The following FBXL7 variants were observed in gnomAD, a reference collection of about 807,000 sequenced individuals.
FBXL7 encodes the protein F-box/LRR-repeat protein 7.
A neutral mutation model predicts 38.3 loss-of-function variants in FBXL7; 12 were observed. That is an observed-to-expected ratio of 0.31 (90% confidence interval 0.20 to 0.51). The LOEUF (loss-of-function observed/expected upper bound fraction) is 0.51. Ranked by LOEUF, FBXL7 falls within the 20% of genes least tolerant of loss-of-function variation. The pLI is 0.98. For missense variants in FBXL7, 567 were observed against 676.4 expected (o/e 0.84, Z 1.79); for synonymous variants, 297 against 300.9 (o/e 0.99, Z 0.13).
chr5:15,843,442 G>A (rs564960455), intron 2 of FBXL7, among the ~76,000 whole-genome samples: 1 of 152,188 alleles, frequency 6.6e-6, no homozygotes, highest in South Asian at 2.1e-4. Context: ...TATGAATTTA[G>A]TAAATATTCG....
At chr5:15,533,533 A>C (rs1344644781) in intron 1 of FBXL7, among the ~76,000 whole-genome samples, 1 of 152,180 alleles carries the variant, frequency 6.6e-6, no homozygotes, top group Non-Finnish European at 1.5e-5. Context: ...ACTTTATAAA[A>C]AAAGAACTGA....
At chr5:15,874,016 C>T (rs1354028676) in intron 2 of FBXL7, among the ~76,000 whole-genome samples, 1 of 152,064 alleles carries the variant, frequency 6.6e-6, no homozygotes, top group Non-Finnish European at 1.5e-5. Flanking sequence ...TGCGAAAATA[C>T]CCAATAAAAT....
rs545159131 is a variant in FBXL7 at position 15,765,748 on chromosome 5, G to A, written c.127+149676G>A. Among the ~76,000 whole-genome samples the A allele has an allele frequency of 1.5e-4, 23 of 152,222 alleles. No homozygotes were observed. In the South Asian group the frequency reaches 3.1e-3, roughly 21 times the overall value. On this transcript the variant is annotated intron_variant, in intron 2 of 3. Coordinates refer to ENST00000504595, the MANE Select transcript of FBXL7 (RefSeq NM_012304.5). ...GATGGCTCTTTCCTGAGTTCCAGGA[G>A]TGTGAATCCATCCATCTGCTGGGAA...
intron 1 of FBXL7, among the ~76,000 whole-genome samples, chr5:15,516,504 A>T (rs550728618): frequency 6.6e-5 from 10 of 152,136 alleles, no homozygotes; most frequent in African/African-American, 2.4e-4. Flanking sequence ...AGTTACTTGC[A>T]TGTCTTTAAT....
chr5:15,691,886 C>T (rs754446906), intron 2 of FBXL7, among the ~76,000 whole-genome samples: 4 of 152,100 alleles, frequency 2.6e-5, no homozygotes, highest in Non-Finnish European at 4.4e-5. Context: ...CAGGGACTCC[C>T]GCATCGCTGG....
chr5:15,555,942 A>G lies in FBXL7; in HGVS notation c.37+55229A>G, dbSNP rs181833393. On this transcript the variant is annotated intron_variant, in intron 1 of 3. Transcript: ENST00000504595. ...GAGAAACAACCAGTAGGATCCATCT[A>G]TCTATCTGTCATCTATCTGTCATCT... 1.0e-3 allele frequency among the ~76,000 whole-genome samples: 156 copies of G among 152,012 alleles called. 1 individual carries two copies. In the South Asian group the frequency reaches 0.026, roughly 25 times the overall value.
chr5:15,723,255 C>G (rs1248653260), intron 2 of FBXL7, among the ~76,000 whole-genome samples: 1 of 152,146 alleles, frequency 6.6e-6, no homozygotes, highest in Non-Finnish European at 1.5e-5. Context: ...TGGAAATTCA[C>G]TATTTGTCAG....
chr5:15,591,077 T>A (rs1739458038), intron 1 of FBXL7, among the ~76,000 whole-genome samples: 1 of 152,158 alleles, frequency 6.6e-6, no homozygotes, highest in African/African-American at 2.4e-5. Context: ...CAGACTTGAA[T>A]GATTACAATT....
At chr5:15,723,420 C>T (rs896150048) in intron 2 of FBXL7, among the ~76,000 whole-genome samples, 24 of 152,142 alleles carry the variant, frequency 1.6e-4, no homozygotes, top group Non-Finnish European at 2.6e-4. Context: ...ATGTTTTCCA[C>T]GACTATATTA....
intron 2 of FBXL7, among the ~76,000 whole-genome samples, chr5:15,680,782 C>T (rs989602136): frequency 1.3e-5 from 2 of 152,154 alleles, no homozygotes; most frequent in African/African-American, 4.8e-5. Flanking sequence ...ATTTGTTGCT[C>T]ATTAGCTACT....
intron 2 of FBXL7, among the ~76,000 whole-genome samples, chr5:15,731,454 T>C (rs1337981801): frequency 6.6e-6 from 1 of 152,116 alleles, no homozygotes; most frequent in African/African-American, 2.4e-5. Context: ...CCGCCCCCCA[T>C]GATTCAGTCA....
chr5:15,744,050 C>A lies in FBXL7; in HGVS notation c.127+127978C>A, dbSNP rs374796729. ...GAAACCATTTCTGCCTCCTAGGCCT[C>A]CAGGCCTGTGAAGGGAGGGGCTGCT... On this transcript the variant is annotated intron_variant, in intron 2 of 3. Coordinates refer to ENST00000504595, the MANE Select transcript of FBXL7 (RefSeq NM_012304.5). Among the ~76,000 whole-genome samples, 13 of 152,292 alleles carry A rather than the reference C, an allele frequency of 8.5e-5. No individual in the cohort carries two copies. In the South Asian group the frequency reaches 2.7e-3, roughly 32 times the overall value.
rs1736452190 is a variant in FBXL7 at position 15,500,294 on chromosome 5, G to A, written c.-383G>A. ...CCGAAGGAGGCGGTCGAGCCGCGGA[G>A]CCCAGGGGCCTGCCCGGCTCAGCGC... On this transcript the variant is annotated 5_prime_UTR_variant, in exon 1 of 4. Transcript: ENST00000504595. The A allele has an allele frequency of 1.3e-5, 2 of 151,642 alleles. No homozygotes were observed. Among genetic ancestry groups the A allele is most frequent in the Non-Finnish European group, 2.9e-5 (2 of 67,984 alleles). The allele number at this position is 151,642 out of a possible 1,614,324, so 9.4% of individuals were successfully genotyped here.
intron 2 of FBXL7, among the ~76,000 whole-genome samples, chr5:15,819,736 T>C (rs1738120411): frequency 6.6e-6 from 1 of 152,170 alleles, no homozygotes; most frequent in Non-Finnish European, 1.5e-5. Flanking sequence ...TTAGGACATC[T>C]AAGCAGCCCC....
Position 15,920,269 on chromosome 5 carries a change from AT to A in FBXL7, c.128-7619del, listed in dbSNP as rs200980518. Among the ~76,000 whole-genome samples, 811 of 150,884 alleles carry A rather than the reference AT, an allele frequency of 5.4e-3. 4 individuals are homozygous for A. The highest frequency in any genetic ancestry group is 0.018 in the African/African-American group (723 of 40,958). ...GAGACTCCATCTCAAAAAAAAAAAA[AT>A]TGCTTTATAATCTAGTTAAATGCAA... On this transcript the variant is annotated intron_variant, in intron 2 of 3. Coordinates refer to ENST00000504595, the MANE Select transcript of FBXL7 (RefSeq NM_012304.5).
At chr5:15,837,569 T>G (rs1738626929) in intron 2 of FBXL7, among the ~76,000 whole-genome samples, 1 of 152,224 alleles carries the variant, frequency 6.6e-6, no homozygotes, top group South Asian at 2.1e-4. Context: ...GTGCTTAGAT[T>G]GAATCCAGCA....
At chr5:15,667,855 G>A (rs1405626739) in intron 2 of FBXL7, among the ~76,000 whole-genome samples, 1 of 151,934 alleles carries the variant, frequency 6.6e-6, no homozygotes, top group Admixed American at 6.6e-5. Context: ...ATTTATTTTT[G>A]CTGGTATTAA....
Position 15,738,070 on chromosome 5 carries a change from A to G in FBXL7, c.127+121998A>G, listed in dbSNP as rs150155632. On this transcript the variant is annotated intron_variant, in intron 2 of 3. Coordinates refer to ENST00000504595, the MANE Select transcript of FBXL7 (RefSeq NM_012304.5). ...AGGACTGGTGCCAATGAAATATTCC[A>G]AACACTTGTTTGGGAGGCACCGTAG... 3.9e-5 allele frequency among the ~76,000 whole-genome samples: 6 copies of G among 152,282 alleles called. 1 individual carries two copies. The highest frequency in any genetic ancestry group is 8.8e-5 in the Non-Finnish European group (6 of 68,016).
At chr5:15,873,860 CT>C (rs1419324020) in intron 2 of FBXL7, among the ~76,000 whole-genome samples, 1 of 152,184 alleles carries the variant, frequency 6.6e-6, no homozygotes, top group Non-Finnish European at 1.5e-5. Context: ...GGTACCATTC[CT>C]TCTGAAACTA....
Sources: gnomAD v4.1 joint callset for allele counts (sites outside exome capture counted in the v4.1 genomes callset) on GRCh38, gnomAD v4.1.1 for gene constraint, MANE v1.5 for transcripts, NCBI Gene and HGNC (gene_info 2026-07-23, HGNC 2026-07-21) for gene names.